Variants in PET100 observed in about 807,000 individuals in gnomAD.
PET100 encodes the protein PET100 cytochrome c oxidase chaperone, also known as protein PET100 homolog, mitochondrial.
In PET100, 13 loss-of-function variants were observed where a neutral mutation model predicts 13.6. The ratio of observed to expected loss-of-function variants is 0.96; its 90% CI spans 0.62 to 1.52. PET100 has a LOEUF of 1.52. Among genes scored for constraint, PET100 ranks in the 40% most tolerant of loss-of-function variants. PET100 has a pLI of 0.00. For synonymous variants in PET100, 28 were observed against 30.8 expected (o/e 0.91, Z 0.30); for missense variants, 94 against 95.3 (o/e 0.99, Z 0.06).
In PET100 at chr19:7,631,461, C is replaced by T; in HGVS notation, c.139-12C>T. ...TCCCCCCTTCCTGTCCCACCCGCTT[C>T]TCCACCCCTAGCTTCAAGAGATAGA... On this transcript the variant is annotated splice_polypyrimidine_tract_variant and intron_variant, in intron 3 of 3. Coordinates refer to ENST00000594797, the MANE Select transcript of PET100 (RefSeq NM_001171155.2). 1.3e-6 allele frequency: 2 copies of T among 1,531,920 alleles called. No individual in the cohort carries two copies. Among genetic ancestry groups the T allele is most frequent in the Non-Finnish European group, 1.7e-6 (2 of 1,144,162 alleles). The allele number at this position is 1,531,920 out of a possible 1,614,324, so 94.9% of individuals were successfully genotyped here. A position where few individuals can be genotyped will look rare whatever the true frequency, so the allele number is the denominator to read the frequency against.
intron 3 of PET100, chr19:7,631,058 C>T: frequency 5.3e-6 from 4 of 758,326 alleles, no homozygotes; most frequent in Non-Finnish European, 6.2e-6. Flanking sequence ...AAATACAAAA[C>T]TTAGCCAGGC....
chr19:7,631,411 G>GCCCCGCCCCCCCCCCCCCC, intron 3 of PET100, 62 bp from the exon 4 acceptor site: 1 of 886,152 alleles, frequency 1.1e-6, no homozygotes, highest in Non-Finnish European at 1.7e-6. Context: ...GGGGGGGGTG[G>GCCCCGCCCCCCCCCCCCCC]TCCCGGCTCT....
In PET100 at chr19:7,629,863, C is replaced by G. The variant is rs1304915189; in HGVS notation, c.27+3C>G. Reference sequence around the variant, plus strand: ...GGGTGAAGCTGGAGATATTTCGGGTCAGTGGACACAGGAGTGGGTTGGGAG... The same window carrying G: ...GGGTGAAGCTGGAGATATTTCGGGTGAGTGGACACAGGAGTGGGTTGGGAG... On this transcript the variant is annotated splice_donor_region_variant and intron_variant, in intron 1 of 3. Transcript: ENST00000594797. 6.5e-7 allele frequency: 1 copy of G among 1,533,370 alleles called. No homozygotes were observed. Among genetic ancestry groups the G allele is most frequent in the Non-Finnish European group, 8.7e-7 (1 of 1,145,016 alleles). The allele number at this position is 1,533,370 out of a possible 1,614,324, so 95.0% of individuals were successfully genotyped here.
intron 1 of PET100, 61 bp from the exon 2 acceptor site, chr19:7,630,512 C>G (rs1185669652): frequency 7.3e-7 from 1 of 1,366,918 alleles, no homozygotes; most frequent in Admixed American, 2.0e-5. Flanking sequence ...CCCCCAGGCT[C>G]TGAGGAGCCT....
In PET100 at chr19:7,631,610, G is replaced by T. The variant is rs114600858; in HGVS notation, c.*54G>T. ...CCCTGATGAAATATACATATACTCAGTTCCTTGTTATTCATTTAAGTGTTT... is the reference window on the plus strand; with the variant it reads ...CCCTGATGAAATATACATATACTCATTTCCTTGTTATTCATTTAAGTGTTT... On this transcript the variant is annotated 3_prime_UTR_variant, in exon 4 of 4. Coordinates refer to ENST00000594797, the MANE Select transcript of PET100 (RefSeq NM_001171155.2). 2,463 of 1,473,250 alleles carry T rather than the reference G, an allele frequency of 1.7e-3. 39 individuals carry two copies. The African/African-American group carries it at 0.031, about 18-fold the overall frequency. 91.3% of individuals were successfully genotyped at this position (1,473,250 alleles called of 1,614,324 possible).
At chr19:7,631,191 A>G (rs1486752313) in intron 3 of PET100, 2 of 1,292,202 alleles carry the variant, frequency 1.5e-6, no homozygotes, top group South Asian at 1.7e-5. Flanking sequence ...CCTGGGCAAT[A>G]GAGTGAGACT....
chr19:7,630,880 A>T, intron 3 of PET100, 34 bp downstream of exon 3: 1 of 1,537,030 alleles, frequency 6.5e-7, no homozygotes, highest in South Asian at 1.2e-5. Context: ...AGAGGGATGG[A>T]GGAGGCTGGA....
At chr19:7,630,031 G>C in intron 1 of PET100, 171 bp downstream of exon 1, 1 of 825,624 alleles carries the variant, frequency 1.2e-6, no homozygotes, top group Non-Finnish European at 1.8e-6. Context: ...ACGCTGGGCT[G>C]GGGGGGTTCT....
intron 2 of PET100, 37 bp downstream of exon 2, chr19:7,630,696 G>T: frequency 3.3e-6 from 5 of 1,531,824 alleles, no homozygotes; most frequent in Non-Finnish European, 4.4e-6. Context: ...TTCATTCCAG[G>T]GGTGGGAGAG....
In PET100 at chr19:7,630,644, T is replaced by C; in HGVS notation, c.99T>C (p.Asp33=). 6.5e-7 allele frequency: 1 copy of C among 1,537,148 alleles called. No homozygotes were observed. The highest frequency in any genetic ancestry group is 2.0e-5 in the Admixed American group (1 of 50,996). Residue 33 remains aspartate, a synonymous_variant, in exon 2 of 4, where the codon GAT becomes GAC. Transcript: ENST00000594797. The part of the protein sequence containing the change: ...VSNQAEWFED[D]VIQRKRELWP... ...ATCAGGCCGAGTGGTTTGAGGACGA[T>C]GTCATACAGCGCAAGGTGGGCATAA...
rs1376234578 is a variant in PET100 at position 7,629,864 on chromosome 19, A to G, written c.27+4A>G. On this transcript the variant is annotated splice_donor_region_variant and intron_variant, in intron 1 of 3. Coordinates refer to ENST00000594797, the MANE Select transcript of PET100 (RefSeq NM_001171155.2). ...GGTGAAGCTGGAGATATTTCGGGTCAGTGGACACAGGAGTGGGTTGGGAGG... is the reference window on the plus strand; with the variant it reads ...GGTGAAGCTGGAGATATTTCGGGTCGGTGGACACAGGAGTGGGTTGGGAGG... 1.3e-6 allele frequency: 2 copies of G among 1,533,704 alleles called. No individual in the cohort carries two copies. The highest frequency in any genetic ancestry group is 1.7e-6 in the Non-Finnish European group (2 of 1,145,146).
intron 1 of PET100, 147 bp downstream of exon 1, chr19:7,630,007 A>C: frequency 1.2e-5 from 12 of 970,512 alleles, no homozygotes; most frequent in East Asian, 3.9e-5. Flanking sequence ...CTGGTTGGAA[A>C]TCCAGGAGAG....
rs147978153 is a variant in PET100, at chr19:7,631,742, C to A, written c.*186C>A. On this transcript the variant is annotated 3_prime_UTR_variant, in exon 4 of 4. Transcript: ENST00000594797. ...CTGCTGTTCCGACGGAAGCCGAGAG[C>A]GGTCGGGTCCTGAGGGGTGAGCAGG... The A allele has an allele frequency of 6.9e-7, 1 of 1,440,818 alleles. No individual in the cohort carries two copies. The highest frequency in any genetic ancestry group is 2.6e-5 in the Admixed American group (1 of 38,496). The allele number at this position is 1,440,818 out of a possible 1,614,324, so 89.3% of individuals were successfully genotyped here.
rs1485117427 is a variant in PET100, at chr19:7,630,534, T to C, written c.28-39T>C. ...GCTCTGAGGAGCCTCTGCACATTGC[T>C]TGGGGGGAGCTCACCTCACCCACCC... is the stretch of plus-strand genomic sequence containing the variant. On this transcript the variant is annotated intron_variant, in intron 1 of 3. Transcript: ENST00000594797. 30 of 1,467,528 alleles carry C rather than the reference T, an allele frequency of 2.0e-5. No homozygotes were observed. In the East Asian group the frequency reaches 7.1e-4, roughly 35 times the overall value. 90.9% of individuals were successfully genotyped at this position (1,467,528 alleles called of 1,614,324 possible). A position where few individuals can be genotyped will look rare whatever the true frequency, so the allele number is the denominator to read the frequency against.
chr19:7,630,126 C>G (rs2031242174), intron 1 of PET100: 1 of 479,606 alleles, frequency 2.1e-6, no homozygotes, highest in South Asian at 3.3e-5. Flanking sequence ...GAAGGGGGCT[C>G]TAAAGAAGGA....
intron 1 of PET100, chr19:7,630,352 C>T (rs918503420): frequency 1.0e-5 from 6 of 582,320 alleles, no homozygotes; most frequent in African/African-American, 9.3e-5. Context: ...GAGAGGAAGA[C>T]TCCAGCTCAG....
chr19:7,631,306 C>A, intron 3 of PET100, 167 bp from the exon 4 acceptor site: 4 of 1,408,948 alleles, frequency 2.8e-6, no homozygotes, highest in Admixed American at 3.1e-5. Context: ...GAAGCGGATC[C>A]CACGCGGACC....
chr19:7,630,946 AT>A (rs1157826022), intron 3 of PET100, 100 bp downstream of exon 3: 116 of 1,421,878 alleles, frequency 8.2e-5, no homozygotes, highest in Non-Finnish European at 1.1e-4. Context: ...GCAGTGGCTC[AT>A]GCTTGTAATC....
intron 1 of PET100, 115 bp from the exon 2 acceptor site, chr19:7,630,458 G>A (rs548693840): frequency 1.9e-5 from 15 of 797,746 alleles, no homozygotes; most frequent in Non-Finnish European, 2.7e-5. Context: ...GGATTCTTGG[G>A]TCGGCCGTAA....
Sources: gnomAD v4.1 joint callset for allele counts on GRCh38, gnomAD v4.1.1 for gene constraint, MANE v1.5 for transcripts, NCBI Gene and HGNC (gene_info 2026-07-23, HGNC 2026-07-21) for gene names.